The following LMNA variants were observed in gnomAD, a reference collection of about 807,000 sequenced individuals.
LMNA encodes lamin A/C.
LMNA carries 20 observed loss-of-function variants against 70.4 expected under a neutral mutation model. The ratio of observed to expected loss-of-function variants is 0.28; its 90% CI spans 0.20 to 0.41. LMNA has a LOEUF of 0.41. Ranked by LOEUF, LMNA falls within the 10% of genes least tolerant of loss-of-function variation. The pLI is 1.00. For missense variants in LMNA, 652 were observed against 917.2 expected, an observed-to-expected ratio of 0.71 and a Z score of 3.73; for synonymous variants, 339 against 372.8, an observed-to-expected ratio of 0.91 and a Z score of 1.04.
At chr1:156,101,515 G>A (rs1649136215) in intron 3 of LMNA, among the ~76,000 whole-genome samples, 1 of 152,050 alleles carries the variant, frequency 6.6e-6, no homozygotes, top group Non-Finnish European at 1.5e-5. Flanking sequence ...AGGGAAGGAA[G>A]GAAGGGAGGG....
At position 156,138,508 on chromosome 1, in the gene LMNA, G is replaced by T; in HGVS notation, c.1719G>T (p.Ser573=). 6.2e-7 allele frequency: 1 copy of T among 1,612,394 alleles called. No homozygotes were observed. Residue 573 remains serine, a synonymous_variant, in exon 11 of 12, where the codon TCG becomes TCT. Coordinates refer to ENST00000368300, the MANE Select transcript of LMNA (RefSeq NM_170707.4). The surrounding 1 kb of genome is among the most constrained non-coding windows in gnomAD (Gnocchi z 5.5). ...CCCAGGGCTCCCACTGCAGCAGCTC[G>T]GGGGACCCCGCTGAGTACAACCTGC... ...HHHHGSHCSS[S]GDPAEYNLRS...
rs538089 is a variant in LMNA, at chr1:156,135,237, T to C, written c.861T>C (p.Ala287=). ...AGAGGAACAGCAACCTGGTGGGGGC[T>C]GCCCACGAGGAGCTGCAGCAGTCGC... ...SAERNSNLVG[A]AHEELQQSRI... Residue 287 remains alanine (A), a synonymous_variant, in exon 5 of 12, where the codon GCT becomes GCC. Transcript: ENST00000368300. This position sits in a 1 kb window ranked among gnomAD's most constrained non-coding sequence, Gnocchi z 4.8. The C allele has an allele frequency of 0.09, 145,761 of 1,613,734 alleles. 12,455 individuals carry two copies. The highest frequency in any genetic ancestry group is 0.45 in the African/African-American group (33,736 of 75,016).
At chr1:156,104,341 T>G (rs1294521026) in intron 3 of LMNA, among the ~76,000 whole-genome samples, 1 of 152,168 alleles carries the variant, frequency 6.6e-6, no homozygotes. Flanking sequence ...TAGCAACTGT[T>G]GTCGTCTGGT....
At chr1:156,125,394 G>C (rs1650482411) in intron 1 of LMNA, among the ~76,000 whole-genome samples, 1 of 148,952 alleles carries the variant, frequency 6.7e-6, no homozygotes, top group South Asian at 2.1e-4. Context: ...AGAGGTCTAG[G>C]TGTCCAGGAG....
At position 156,134,277 on chromosome 1, in the gene LMNA, C is replaced by A; in HGVS notation, c.514-126C>A. ...TCCTGACCCCTGCAGGCATCCAAGG[C>A]CCTCCTTCCCTGGACCTGTTTCCAC... On this transcript the variant is annotated intron_variant, in intron 2 of 11. Coordinates refer to ENST00000368300, the MANE Select transcript of LMNA (RefSeq NM_170707.4). The surrounding 1 kb of genome is among the most constrained non-coding windows in gnomAD (Gnocchi z 5.3). 1.9e-6 allele frequency: 2 copies of A among 1,036,450 alleles called. No individual in the cohort carries two copies. Among genetic ancestry groups the A allele is most frequent in the South Asian group, 1.4e-5 (1 of 73,574 alleles). The allele number at this position is 1,036,450 out of a possible 1,614,324, so 64.2% of individuals were successfully genotyped here. A position where few individuals can be genotyped will look rare whatever the true frequency, so the allele number is the denominator to read the frequency against.
intron 1 of LMNA, among the ~76,000 whole-genome samples, chr1:156,116,261 G>C (rs1649820208): frequency 6.6e-6 from 1 of 152,148 alleles, no homozygotes. Context: ...TCTTATTGAA[G>C]TGCTGGAATA....
rs1649225370 is a variant in LMNA, at chr1:156,103,881, C to T, written c.-206-10832C>T. 1.3e-5 allele frequency among the ~76,000 whole-genome samples: 2 copies of T among 152,162 alleles called. No homozygotes were observed. The highest frequency in any genetic ancestry group is 2.9e-5 in the Non-Finnish European group (2 of 68,044). On this transcript the variant is annotated intron_variant, in intron 3 of 12. Coordinates refer to the LMNA transcript ENST00000368301. This position sits in a 1 kb window ranked among gnomAD's most constrained non-coding sequence, Gnocchi z 4.7. ...CTTCTCTGGCTCCACCAGCCCTGCT[C>T]CCCTGCCCTTTCGAAGCCTCTAGTG...
At chr1:156,084,348 T>C (rs1387440951) in intron 2 of LMNA, among the ~76,000 whole-genome samples, 1 of 114,864 alleles carries the variant, frequency 8.7e-6, no homozygotes. Flanking sequence ...TGGGGGCAGT[T>C]GGCACACTGC....
intron 1 of LMNA, chr1:156,126,150 C>T: frequency 6.6e-7 from 1 of 1,513,276 alleles, no homozygotes; most frequent in Non-Finnish European, 8.8e-7. Context: ...AGGAAATGCC[C>T]AGGGGCTGGG....
Position 156,107,438 on chromosome 1 carries a change from T to C in LMNA, c.-206-7275T>C, listed in dbSNP as rs181818467. 1.1e-4 allele frequency among the ~76,000 whole-genome samples: 17 copies of C among 152,318 alleles called. No homozygotes were observed. In the East Asian group the frequency reaches 2.9e-3, roughly 26 times the overall value. On this transcript the variant is annotated intron_variant, in intron 3 of 12. Transcript: ENST00000368301. ...GCCTGGCTGTGTGACTTTGGGCAAA[T>C]CTTTCCTCCTCTGGCCTCAGAATTC...
chr1:156,136,312 G>A lies in LMNA; in HGVS notation c.1256G>A (p.Arg419His), dbSNP rs777648901. Residue 419 changes from arginine to histidine, a missense_variant, in exon 7 of 12, where the codon CGC (arginine) becomes CAC (histidine). Physicochemically the swap from Arg to His is conservative, Grantham distance 29. Coordinates refer to ENST00000368300, the MANE Select transcript of LMNA (RefSeq NM_170707.4). This position sits in a 1 kb window ranked among gnomAD's most constrained non-coding sequence, Gnocchi z 6.1. ...TQGGGSVTKK[R>H]KLESTESRSS... Reference sequence around the variant, plus strand: ...GGTGGGGGCAGCGTCACCAAAAAGCGCAAACTGGAGTCCACTGAGAGCCGC... The same window carrying A: ...GGTGGGGGCAGCGTCACCAAAAAGCACAAACTGGAGTCCACTGAGAGCCGC... 32 of 1,612,068 alleles carry A rather than the reference G, an allele frequency of 2.0e-5. No homozygotes were observed. Among genetic ancestry groups the A allele is most frequent in the South Asian group, 8.8e-5 (8 of 91,022 alleles).
In LMNA at chr1:156,103,803, T is replaced by C. The variant is rs1055242809; in HGVS notation, c.-206-10910T>C. On this transcript the variant is annotated intron_variant, in intron 3 of 12. Transcript: ENST00000368301. The surrounding 1 kb of genome is among the most constrained non-coding windows in gnomAD (Gnocchi z 4.7). ...CCCCACCCTCCCTGCTCTTTATCCC[T>C]CAACGCCCTCCCCTGCCCAAGGACC... is the stretch of plus-strand genomic sequence containing the variant. Among the ~76,000 whole-genome samples the C allele has an allele frequency of 6.6e-6, 1 of 151,888 alleles. No individual in the cohort carries two copies. The highest frequency in any genetic ancestry group is 1.9e-4 in the East Asian group (1 of 5,170).
intron 1 of LMNA, chr1:156,123,101 G>A (rs1650313071): frequency 6.6e-6 from 1 of 152,262 alleles, no homozygotes; most frequent in Non-Finnish European, 1.5e-5. Context: ...CAGAGGCTGA[G>A]GGGTGGCCTT....
At chr1:156,129,652 A>G (rs537568173) in intron 1 of LMNA, among the ~76,000 whole-genome samples, 4 of 152,274 alleles carry the variant, frequency 2.6e-5, no homozygotes, top group Admixed American at 2.0e-4. Context: ...TTGTGAAGCA[A>G]TTGTAACATC....
In LMNA at chr1:156,139,945, C is replaced by A; in HGVS notation, c.*839C>A. On this transcript the variant is annotated 3_prime_UTR_variant, in exon 12 of 12. Coordinates refer to ENST00000368300, the MANE Select transcript of LMNA (RefSeq NM_170707.4). ...CTGGAAAGGGGAGAGCCTGCTGGCA[C>A]CCACCGTGGAGGAGGAAGGCAAGAG... The A allele has an allele frequency of 9.3e-7, 1 of 1,074,622 alleles. No homozygotes were observed. The highest frequency in any genetic ancestry group is 1.3e-6 in the Non-Finnish European group (1 of 783,504). The allele number at this position is 1,074,622 out of a possible 1,614,324, so 66.6% of individuals were successfully genotyped here. A position where few individuals can be genotyped will look rare whatever the true frequency, so the allele number is the denominator to read the frequency against.
chr1:156,127,274 G>T (rs568887185), intron 1 of LMNA, among the ~76,000 whole-genome samples: 10 of 152,272 alleles, frequency 6.6e-5, no homozygotes, highest in African/African-American at 2.4e-4. Flanking sequence ...GGGTGTGCGT[G>T]TGGCTCCCTG....
rs906583389 is a variant in LMNA, at chr1:156,103,502, G to A, written c.-206-11211G>A. ...AGCTGAGGCTCAGCCAGGAAAATGG[G>A]TGGGAACCTTAAGGATGGTGGGCAG... On this transcript the variant is annotated intron_variant, in intron 3 of 12. Coordinates refer to the LMNA transcript ENST00000368301. The surrounding 1 kb of genome is among the most constrained non-coding windows in gnomAD (Gnocchi z 4.7). Among the ~76,000 whole-genome samples, 1 of 152,136 alleles carries A rather than the reference G, an allele frequency of 6.6e-6. No homozygotes were observed. The highest frequency in any genetic ancestry group is 2.4e-5 in the African/African-American group (1 of 41,408).
In LMNA at chr1:156,139,808, GAAGA is replaced by G; in HGVS notation, c.*706_*709del. On this transcript the variant is annotated 3_prime_UTR_variant, in exon 12 of 12. Coordinates refer to ENST00000368300, the MANE Select transcript of LMNA (RefSeq NM_170707.4). ...ATGAGGTGGGAGGTGGAAGAAGGGA[GAAGA>G]AAGGTGAGTTTGAGCTGCCTTCCCT... 1 of 1,531,930 alleles carries G rather than the reference GAAGA, an allele frequency of 6.5e-7. No individual in the cohort carries two copies. Among genetic ancestry groups the G allele is most frequent in the Non-Finnish European group, 8.7e-7 (1 of 1,145,134 alleles). The allele number at this position is 1,531,930 out of a possible 1,614,324, so 94.9% of individuals were successfully genotyped here.
At chr1:156,100,765 C>A (rs991961501) in intron 3 of LMNA, among the ~76,000 whole-genome samples, 7 of 152,110 alleles carry the variant, frequency 4.6e-5, no homozygotes, top group Non-Finnish European at 7.3e-5. Context: ...GTATTGAGAA[C>A]CTTTTGTGCA....
Sources: gnomAD v4.1 joint callset for allele counts (sites outside exome capture counted in the v4.1 genomes callset) on GRCh38, gnomAD v4.1.1 for gene constraint, Gnocchi (gnomAD v3.1) non-coding constraint, MANE v1.5 for transcripts, NCBI Gene and HGNC (gene_info 2026-07-23, HGNC 2026-07-21) for gene names.